Variants in RGS22 observed in about 807,000 individuals in gnomAD.
The protein encoded by RGS22 is regulator of G protein signaling 22.
A neutral mutation model predicts 172.9 loss-of-function variants in RGS22; 148 were observed. That is an observed-to-expected ratio of 0.86 (90% CI 0.75 to 0.98). RGS22 has a LOEUF of 0.98. Ranked by LOEUF, RGS22 falls within the 50% of genes least tolerant of loss-of-function variation. RGS22 has a pLI of 0.00. For synonymous variants in RGS22, 458 were observed against 480.2 expected, an observed-to-expected ratio of 0.95 and a Z score of 0.60; for missense variants, 1,347 against 1,440.8, an observed-to-expected ratio of 0.93 and a Z score of 1.05.
intron 20 of RGS22, among the ~76,000 whole-genome samples, chr8:99,991,900 A>C (rs1813768651): frequency 6.6e-6 from 1 of 152,240 alleles, no homozygotes; most frequent in South Asian, 2.1e-4. Flanking sequence ...GAGGCCCATC[A>C]GACTAACAGC....
chr8:100,006,125 A>G lies in RGS22; in HGVS notation c.2362-16T>C. The G allele has an allele frequency of 1.3e-6, 2 of 1,598,792 alleles. No individual in the cohort carries two copies. The highest frequency in any genetic ancestry group is 2.2e-5 in the South Asian group (2 of 90,032). On this transcript the variant is annotated splice_polypyrimidine_tract_variant and intron_variant, in intron 15 of 27. Coordinates refer to ENST00000360863, the MANE Select transcript of RGS22 (RefSeq NM_015668.5). ...CCAGCTCCACCTAAAAAAAATAAAT[A>G]AAGCTTGTGACATCAAGAGAATGTA...
At chr8:100,006,754 T>A (rs1815762796) in intron 15 of RGS22, among the ~76,000 whole-genome samples, 1 of 152,188 alleles carries the variant, frequency 6.6e-6, no homozygotes, top group Non-Finnish European at 1.5e-5. Context: ...GTCTACAGAA[T>A]ACAGTCAGCT....
At chr8:100,054,158 T>C (rs1233952226) in intron 9 of RGS22, among the ~76,000 whole-genome samples, 2 of 152,188 alleles carry the variant, frequency 1.3e-5, no homozygotes, top group Non-Finnish European at 2.9e-5. Context: ...GGGCTAACAC[T>C]TTATTGGATA....
intron 2 of RGS22, among the ~76,000 whole-genome samples, chr8:100,100,972 A>G (rs1813424250): frequency 6.6e-6 from 1 of 152,158 alleles, no homozygotes; most frequent in Admixed American, 6.5e-5. Flanking sequence ...CCTTCAACAA[A>G]ATAGATCATT....
Position 100,021,938 on chromosome 8 carries a change from TG to T in RGS22, c.2167-13370del, listed in dbSNP as rs377297871. On this transcript the variant is annotated intron_variant, in intron 14 of 27. Coordinates refer to ENST00000360863, the MANE Select transcript of RGS22 (RefSeq NM_015668.5). ...CTAGCAGGCATAGAACATTATTATC[TG>T]AGTTCATATGCGGCAGAAAAAGAAA... is the stretch of plus-strand genomic sequence containing the variant. Among the ~76,000 whole-genome samples, 19 of 152,304 alleles carry T rather than the reference TG, an allele frequency of 1.2e-4. 1 individual carries two copies. In the East Asian group the frequency reaches 3.5e-3, roughly 28 times the overall value.
Position 99,965,370 on chromosome 8 carries a change from C to T in RGS22, c.3580G>A (p.Asp1194Asn), listed in dbSNP as rs1291665847. Residue 1194 changes from aspartate to asparagine, a missense_variant, in exon 24 of 28, where the codon GAT becomes AAT. Coordinates refer to ENST00000360863, the MANE Select transcript of RGS22 (RefSeq NM_015668.5). ...TATGGTTGGAGGCCTAGGAAGGAATCACTGAGTAAAGCAGTTTTGATAGCA... is the reference window on the plus strand; with the variant it reads ...TATGGTTGGAGGCCTAGGAAGGAATTACTGAGTAAAGCAGTTTTGATAGCA... Reference protein sequence around the residue: ...VPAIKTALLSDSFLGLQPYGR... With the variant: ...VPAIKTALLSNSFLGLQPYGR... 6.2e-7 allele frequency: 1 copy of T among 1,613,744 alleles called. No homozygotes were observed. The highest frequency in any genetic ancestry group is 8.5e-7 in the Non-Finnish European group (1 of 1,179,782).
chr8:99,977,529 T>A (rs1302010554), intron 23 of RGS22, among the ~76,000 whole-genome samples: 1 of 152,144 alleles, frequency 6.6e-6, no homozygotes, highest in East Asian at 1.9e-4. Flanking sequence ...AAGCATGTGC[T>A]GGACACTAGT....
chr8:100,048,931 T>C (rs1821002610), intron 10 of RGS22, among the ~76,000 whole-genome samples: 1 of 152,184 alleles, frequency 6.6e-6, no homozygotes, highest in African/African-American at 2.4e-5. Flanking sequence ...ATATAACTAA[T>C]ACTATTGAAC....
At chr8:100,039,311 G>C (rs1010960727) in intron 13 of RGS22, among the ~76,000 whole-genome samples, 2 of 151,672 alleles carry the variant, frequency 1.3e-5, no homozygotes, top group African/African-American at 4.8e-5. Context: ...CATGTATTTT[G>C]ATATATATGG....
At chr8:99,966,605 A>C (rs1426313980) in intron 23 of RGS22, among the ~76,000 whole-genome samples, 2 of 152,230 alleles carry the variant, frequency 1.3e-5, no homozygotes, top group Non-Finnish European at 2.9e-5. Context: ...GACACAACAG[A>C]AACTTCCCCA....
chr8:100,031,585 G>C (rs1818814485), intron 14 of RGS22, among the ~76,000 whole-genome samples: 1 of 151,966 alleles, frequency 6.6e-6, no homozygotes. Flanking sequence ...GTGTGTGTGT[G>C]TGTACTTAAA....
At chr8:100,001,941 CA>C (rs1418427307) in intron 18 of RGS22, among the ~76,000 whole-genome samples, 1 of 152,084 alleles carries the variant, frequency 6.6e-6, no homozygotes, top group East Asian at 1.9e-4. Context: ...TTGAATGAGT[CA>C]ATGAGTAGGT....
intron 14 of RGS22, among the ~76,000 whole-genome samples, chr8:100,021,064 G>T (rs1427805226): frequency 6.6e-6 from 1 of 152,122 alleles, no homozygotes; most frequent in Non-Finnish European, 1.5e-5. Context: ...TCATAGCACT[G>T]ATTATAAGGC....
intron 6 of RGS22, among the ~76,000 whole-genome samples, chr8:100,070,571 G>A (rs955069902): frequency 2.8e-4 from 42 of 152,066 alleles, no homozygotes; most frequent in African/African-American, 9.9e-4. Context: ...TGGGTTTTGG[G>A]TATATGTCAT....
At chr8:100,053,712 T>G (rs1384099086) in intron 9 of RGS22, among the ~76,000 whole-genome samples, 1 of 152,118 alleles carries the variant, frequency 6.6e-6, no homozygotes. Flanking sequence ...CTCAGCTCAC[T>G]GCAACCTCTG....
intron 18 of RGS22, among the ~76,000 whole-genome samples, chr8:100,000,978 T>C (rs1170244957): frequency 6.6e-6 from 1 of 151,868 alleles, no homozygotes; most frequent in Non-Finnish European, 1.5e-5. Flanking sequence ...TAATCTGAAA[T>C]TTGTATTTTA....
chr8:100,102,353 A>G (rs2045677), intron 2 of RGS22, among the ~76,000 whole-genome samples: 25,124 of 152,162 alleles, frequency 0.17, 2,125 homozygotes, highest in Middle Eastern at 0.24. Context: ...TGGGATAGCA[A>G]TGGGTCTGAT....
intron 11 of RGS22, among the ~76,000 whole-genome samples, chr8:100,045,370 TC>T (rs909760628): frequency 5.7e-4 from 86 of 152,188 alleles, no homozygotes; most frequent in African/African-American, 2.0e-3. Context: ...CCCGGAGCAT[TC>T]ACCTAGGAAG....
chr8:100,093,293 A>T (rs1046087815), intron 3 of RGS22, 154 bp downstream of exon 3: 4 of 516,762 alleles, frequency 7.7e-6, no homozygotes, highest in African/African-American at 6.0e-5. Flanking sequence ...AATCCAAATG[A>T]TTAACTATGT....
Sources: gnomAD v4.1 joint callset for allele counts (sites outside exome capture counted in the v4.1 genomes callset) on GRCh38, gnomAD v4.1.1 for gene constraint, MANE v1.5 for transcripts, NCBI Gene and HGNC (gene_info 2026-07-23, HGNC 2026-07-21) for gene names.